The following C16orf74 variants were observed in gnomAD, a reference collection of about 807,000 sequenced individuals.
The protein encoded by C16orf74 is uncharacterized protein C16orf74.
In C16orf74, 10 loss-of-function variants were observed where a neutral mutation model predicts 6.5. The observed-to-expected ratio is 1.54, with a 90% confidence interval of 0.95 to 2.61. C16orf74 has a LOEUF of 2.61. Among genes scored for constraint, C16orf74 ranks in the 30% most tolerant of loss-of-function variants. The pLI is 0.00. For synonymous variants in C16orf74, 60 were observed against 42.5 expected, an observed-to-expected ratio of 1.41 and a Z score of -1.60; for missense variants, 141 against 105.9, an observed-to-expected ratio of 1.33 and a Z score of -1.45.
At chr16:85,735,089 C>T in intron 2 of C16orf74, 101 bp downstream of exon 2, 1 of 990,706 alleles carries the variant, frequency 1.0e-6, no homozygotes, top group East Asian at 2.8e-5. Flanking sequence ...GTGCCCTGCT[C>T]CCTCTGCAGG....
chr16:85,710,163 C>G lies in C16orf74; in HGVS notation c.172+1G>C. Reference sequence around the variant, plus strand: ...CTTGGCGGTGGAGGGGACGGCCTCACCTGTGCTCCCCAAGTCCCTCGGCAG... The same window carrying G: ...CTTGGCGGTGGAGGGGACGGCCTCAGCTGTGCTCCCCAAGTCCCTCGGCAG... On this transcript the variant is annotated splice_donor_variant, in intron 3 of 3. Transcript: ENST00000284245. LOFTEE classifies it high-confidence loss of function. 1 of 1,440,492 alleles carries G rather than the reference C, an allele frequency of 6.9e-7. No homozygotes were observed. The allele number at this position is 1,440,492 out of a possible 1,614,324, so 89.2% of individuals were successfully genotyped here.
At chr16:85,708,461 C>G (rs2053935368) in intron 3 of C16orf74, among the ~76,000 whole-genome samples, 1 of 152,188 alleles carries the variant, frequency 6.6e-6, no homozygotes, top group African/African-American at 2.4e-5. Flanking sequence ...CCACACTGGG[C>G]TCTCTGATTA....
chr16:85,708,217 G>C (rs1366004396), intron 3 of C16orf74, among the ~76,000 whole-genome samples, 151 bp from the exon 4 acceptor site: 1 of 152,210 alleles, frequency 6.6e-6, no homozygotes, highest in East Asian at 1.9e-4. Flanking sequence ...AGTGATGCTG[G>C]ATCCTTCTGG....
Position 85,750,136 on chromosome 16 carries a change from C to T in C16orf74, c.-19+790G>A, listed in dbSNP as rs772249286. 9.9e-5 allele frequency among the ~76,000 whole-genome samples: 15 copies of T among 152,226 alleles called. No individual in the cohort carries two copies. The East Asian group carries it at 2.3e-3, about 23-fold the overall frequency. The stretch of plus-strand genomic sequence containing the variant: ...TAACCTGTACATTGAGGCGTTCGTT[C>T]CCCGAGAACCGCACTACCTCACAAG... On this transcript the variant is annotated intron_variant, in intron 1 of 3. Transcript: ENST00000284245.
chr16:85,737,476 T>C (rs2054257345), intron 1 of C16orf74, among the ~76,000 whole-genome samples: 1 of 152,134 alleles, frequency 6.6e-6, no homozygotes, highest in Non-Finnish European at 1.5e-5. Flanking sequence ...GGCATGAGGA[T>C]CACTTGGGGC....
At chr16:85,745,433 T>C (rs1393108208) in intron 1 of C16orf74, among the ~76,000 whole-genome samples, 1 of 152,222 alleles carries the variant, frequency 6.6e-6, no homozygotes, top group Non-Finnish European at 1.5e-5. Context: ...AACAGACTGC[T>C]TGTCAGCTTG....
intron 1 of C16orf74, among the ~76,000 whole-genome samples, chr16:85,750,441 T>C (rs751039139): frequency 6.6e-6 from 1 of 152,206 alleles, no homozygotes; most frequent in Non-Finnish European, 1.5e-5. Flanking sequence ...CAAACCTGCT[T>C]TGATGCCCTG....
chr16:85,737,544 T>C (rs2054257991), intron 1 of C16orf74, among the ~76,000 whole-genome samples: 2 of 152,284 alleles, frequency 1.3e-5, no homozygotes, highest in East Asian at 1.9e-4. Context: ...TAAAACAAGC[T>C]TACGCCTGGG....
At chr16:85,717,522 G>A (rs974760047) in intron 2 of C16orf74, among the ~76,000 whole-genome samples, 1 of 152,210 alleles carries the variant, frequency 6.6e-6, no homozygotes, top group Non-Finnish European at 1.5e-5. Flanking sequence ...CAGGTGTGGG[G>A]TGTGGGGCTG....
chr16:85,743,169 G>C (rs1028763524), intron 1 of C16orf74: 2 of 152,212 alleles, frequency 1.3e-5, no homozygotes, highest in African/African-American at 2.4e-5. Context: ...TCATGCGAGA[G>C]GCCCCTTAGA....
rs2054390416 is a variant in C16orf74, at chr16:85,747,809, TGGGCGCAA to T, written c.-19+3109_-19+3116del. The stretch of plus-strand genomic sequence containing the variant: ...ATACAAGATATACATTGGTTCCAGC[TGGGCGCAA>T]GGACTCATGCCTGTAATCCCAGCAC... On this transcript the variant is annotated intron_variant, in intron 1 of 3. Transcript: ENST00000284245. Among the ~76,000 whole-genome samples, 3 of 152,116 alleles carry T rather than the reference TGGGCGCAA, an allele frequency of 2.0e-5. No individual in the cohort carries two copies. The South Asian group carries it at 6.2e-4, about 32-fold the overall frequency.
At chr16:85,716,955 AG>A (rs1391857573) in intron 2 of C16orf74, among the ~76,000 whole-genome samples, 1 of 152,190 alleles carries the variant, frequency 6.6e-6, no homozygotes, top group Non-Finnish European at 1.5e-5. Context: ...CTATTTCCTG[AG>A]CCTGGGATTC....
intron 2 of C16orf74, among the ~76,000 whole-genome samples, chr16:85,712,685 T>G (rs367671993): frequency 2.6e-5 from 4 of 152,346 alleles, no homozygotes; most frequent in South Asian, 4.1e-4. Context: ...ACACTGGCTT[T>G]GGAATCAGGC....
chr16:85,745,854 C>T (rs367826809), intron 1 of C16orf74, among the ~76,000 whole-genome samples: 5 of 152,208 alleles, frequency 3.3e-5, no homozygotes, highest in Non-Finnish European at 4.4e-5. Flanking sequence ...TGGGCTCCAA[C>T]GTTTGCCGAT....
chr16:85,711,253 T>C (rs1018292325), intron 2 of C16orf74, among the ~76,000 whole-genome samples: 4 of 146,492 alleles, frequency 2.7e-5, no homozygotes, highest in African/African-American at 7.7e-5. Context: ...GAGGCAGAGG[T>C]TGAAGTAGGC....
chr16:85,742,189 A>G (rs1373198383), intron 1 of C16orf74, among the ~76,000 whole-genome samples: 4 of 152,172 alleles, frequency 2.6e-5, no homozygotes, highest in African/African-American at 9.6e-5. Context: ...CCTGGCCAAC[A>G]TGGCAAAACC....
intron 2 of C16orf74, among the ~76,000 whole-genome samples, chr16:85,714,191 C>T (rs1179461453): frequency 1.3e-5 from 2 of 152,002 alleles, no homozygotes; most frequent in African/African-American, 2.4e-5. Flanking sequence ...GAGACGGCCA[C>T]GGTCCCTGGG....
At chr16:85,749,736 C>G (rs752109263) in intron 1 of C16orf74, among the ~76,000 whole-genome samples, 1 of 152,236 alleles carries the variant, frequency 6.6e-6, no homozygotes, top group Non-Finnish European at 1.5e-5. Flanking sequence ...ACGGCACGCT[C>G]CCATTTCAAG....
intron 2 of C16orf74, among the ~76,000 whole-genome samples, chr16:85,732,579 T>C (rs1263585626): frequency 2.0e-5 from 3 of 149,826 alleles, no homozygotes; most frequent in African/African-American, 4.9e-5. Flanking sequence ...GGCAGGAGAA[T>C]TGCTTGAACC....
Sources: gnomAD v4.1 joint callset for allele counts (sites outside exome capture counted in the v4.1 genomes callset) on GRCh38, gnomAD v4.1.1 for gene constraint, MANE v1.5 for transcripts, NCBI Gene and HGNC (gene_info 2026-07-23, HGNC 2026-07-21) for gene names.